ADARB2: variants seen among roughly 807,000 people sequenced by gnomAD.
ADARB2 encodes the protein inactive double-stranded RNA-specific editase B2.
A neutral mutation model predicts 62.2 loss-of-function variants in ADARB2; 25 were observed. The ratio of observed to expected loss-of-function variants is 0.40; its 90% CI spans 0.29 to 0.56. ADARB2 has a LOEUF of 0.56. Ranked by LOEUF, ADARB2 falls within the 20% of genes least tolerant of loss-of-function variation. ADARB2 has a pLI of 0.43. For synonymous variants in ADARB2, 572 were observed against 500.8 expected (o/e 1.14, Z -1.90); for missense variants, 1,071 against 1,077.4 (o/e 0.99, Z 0.08).
chr10:1,218,858 C>T, intron 6 of ADARB2, among the ~76,000 whole-genome samples: 1 of 151,428 alleles, frequency 6.6e-6, no homozygotes. Context: ...TCTTGGCTAA[C>T]ACAGTGAAAC....
chr10:1,209,388 C>T (rs1172636845), intron 7 of ADARB2, among the ~76,000 whole-genome samples: 2 of 147,752 alleles, frequency 1.4e-5, no homozygotes, highest in Non-Finnish European at 3.0e-5. Context: ...TACAGCCTCA[C>T]CCACACCCAC....
At chr10:1,430,624 C>A (rs964333906) in intron 1 of ADARB2, among the ~76,000 whole-genome samples, 1 of 152,096 alleles carries the variant, frequency 6.6e-6, no homozygotes, top group African/African-American at 2.4e-5. Context: ...TCTGTAATAG[C>A]AGCTACTTGG....
At chr10:1,628,361 C>T (rs1334034691) in intron 1 of ADARB2, among the ~76,000 whole-genome samples, 4 of 152,226 alleles carry the variant, frequency 2.6e-5, no homozygotes, top group Admixed American at 6.5e-5. Flanking sequence ...CACTGTTCAG[C>T]GCTTGCTAGG....
chr10:1,684,690 T>C lies in ADARB2; in HGVS notation c.100+52361A>G, dbSNP rs57720134. On this transcript the variant is annotated intron_variant, in intron 1 of 9. Coordinates refer to ENST00000381312, the MANE Select transcript of ADARB2 (RefSeq NM_018702.4). ...TTTTGTAAACCCCAAACTGTTGTTTTATTTTTAATTATTAAATGGTGCTGA... is the reference window on the plus strand; with the variant it reads ...TTTTGTAAACCCCAAACTGTTGTTTCATTTTTAATTATTAAATGGTGCTGA... Among the ~76,000 whole-genome samples, 527 of 152,350 alleles carry C rather than the reference T, an allele frequency of 3.5e-3. 22 individuals are homozygous for C. In the East Asian group the frequency reaches 0.089, roughly 26 times the overall value.
At chr10:1,240,594 C>G (rs1830909203) in intron 5 of ADARB2, 2 of 152,454 alleles carry the variant, frequency 1.3e-5, no homozygotes, top group Admixed American at 6.5e-5. Flanking sequence ...GGACCCTTGG[C>G]AAATGTATCC....
intron 1 of ADARB2, among the ~76,000 whole-genome samples, chr10:1,713,502 G>A (rs1009028170): frequency 2.0e-5 from 3 of 152,182 alleles, no homozygotes; most frequent in African/African-American, 4.8e-5. Flanking sequence ...CCATGGCTCC[G>A]TGGGTGTAAA....
chr10:1,723,623 G>T (rs1447385214), intron 1 of ADARB2, among the ~76,000 whole-genome samples: 1 of 152,160 alleles, frequency 6.6e-6, no homozygotes, highest in Admixed American at 6.5e-5. Context: ...AGAACGGTCC[G>T]CTTGCCACCT....
At chr10:1,707,673 G>A (rs1834905702) in intron 1 of ADARB2, among the ~76,000 whole-genome samples, 1 of 152,208 alleles carries the variant, frequency 6.6e-6, no homozygotes, top group African/African-American at 2.4e-5. Context: ...ACTATACAGG[G>A]ATGCCTTCCT....
At chr10:1,444,133 C>A (rs181929243) in intron 1 of ADARB2, among the ~76,000 whole-genome samples, 32 of 151,422 alleles carry the variant, frequency 2.1e-4, no homozygotes, top group African/African-American at 7.8e-4. Context: ...TATCCATCTA[C>A]CCACCCACTC....
At chr10:1,408,632 G>A (rs527399592) in intron 1 of ADARB2, among the ~76,000 whole-genome samples, 5 of 152,190 alleles carry the variant, frequency 3.3e-5, no homozygotes, top group Admixed American at 1.3e-4. Flanking sequence ...CTTGCTGCCC[G>A]TCGGAAACCA....
At chr10:1,457,589 C>T (rs1451460782) in intron 1 of ADARB2, among the ~76,000 whole-genome samples, 2 of 152,214 alleles carry the variant, frequency 1.3e-5, no homozygotes, top group Non-Finnish European at 2.9e-5. Context: ...CTGAGCCACG[C>T]AATACTGCTT....
At chr10:1,375,935 CACAG>C (rs199946759) in intron 2 of ADARB2, among the ~76,000 whole-genome samples, 3,084 of 146,858 alleles carry the variant, frequency 0.021, 103 homozygotes, top group African/African-American at 0.071. Context: ...CACACACGTG[CACAG>C]ACACACACCA....
At chr10:1,665,741 G>T (rs1311278035) in intron 1 of ADARB2, among the ~76,000 whole-genome samples, 1 of 152,210 alleles carries the variant, frequency 6.6e-6, no homozygotes, top group Non-Finnish European at 1.5e-5. Context: ...GGAAGGGAGG[G>T]GCATTTCTCT....
Position 1,284,285 on chromosome 10 carries a change from C to CACATGTCT in ADARB2, c.1078-13224_1078-13217dup, listed in dbSNP as rs1589177529. Among the ~76,000 whole-genome samples, 4 of 152,158 alleles carry CACATGTCT rather than the reference C, an allele frequency of 2.6e-5. No homozygotes were observed. The East Asian group carries it at 7.7e-4, about 29-fold the overall frequency. On this transcript the variant is annotated intron_variant, in intron 3 of 9. Coordinates refer to ENST00000381312, the MANE Select transcript of ADARB2 (RefSeq NM_018702.4). ...CTGGGTCTGCAGCTGTGTGAGGGGC[C>CACATGTCT]ACATGTCTTGGTGAGGACAGTGATC... is the stretch of plus-strand genomic sequence containing the variant.
intron 1 of ADARB2, among the ~76,000 whole-genome samples, chr10:1,476,352 G>A (rs1831400906): frequency 6.6e-6 from 1 of 152,198 alleles, no homozygotes; most frequent in African/African-American, 2.4e-5. Context: ...GAAGCCCCAG[G>A]CCCTGCAGGG....
At chr10:1,648,454 G>GT (rs1337438828) in intron 1 of ADARB2, among the ~76,000 whole-genome samples, 1 of 152,058 alleles carries the variant, frequency 6.6e-6, no homozygotes, top group East Asian at 1.9e-4. Flanking sequence ...TTAAAAGTGT[G>GT]TTTTTTAGGA....
chr10:1,298,127 A>G (rs1454884505), intron 3 of ADARB2, among the ~76,000 whole-genome samples: 2 of 152,172 alleles, frequency 1.3e-5, no homozygotes, highest in African/African-American at 2.4e-5. Flanking sequence ...AAACACACAC[A>G]TTGTCTCCAT....
At chr10:1,666,897 AT>A (rs1834323764) in intron 1 of ADARB2, among the ~76,000 whole-genome samples, 1 of 152,186 alleles carries the variant, frequency 6.6e-6, no homozygotes, top group Admixed American at 6.5e-5. Flanking sequence ...TTGTAGACCC[AT>A]TTGCTCAGGG....
In ADARB2 at chr10:1,234,422, A is replaced by C. The variant is rs981165412; in HGVS notation, c.1362-577T>G. On this transcript the variant is annotated intron_variant, in intron 5 of 9. Coordinates refer to ENST00000381312, the MANE Select transcript of ADARB2 (RefSeq NM_018702.4). The stretch of plus-strand genomic sequence containing the variant: ...CCTGCTTTCTTACCCCCGCCTTGAC[A>C]TTTACCTGTCAGGGTTATTATTATT... Among the ~76,000 whole-genome samples the C allele has an allele frequency of 3.5e-4, 53 of 152,196 alleles. 1 individual carries two copies. The highest frequency in any genetic ancestry group is 1.3e-3 in the African/African-American group (52 of 41,536).
Sources: allele counts gnomAD v4.1 joint callset (sites outside exome capture counted in the v4.1 genomes callset), GRCh38; gene constraint gnomAD v4.1.1; transcripts MANE v1.5; gene names NCBI Gene and HGNC (gene_info 2026-07-23, HGNC 2026-07-21).